PSEN1: variants seen among roughly 807,000 people sequenced by gnomAD.
The protein encoded by PSEN1 is presenilin-1.
Under a neutral mutation model 53.5 loss-of-function variants are expected in PSEN1, and 15 were observed. The ratio of observed to expected loss-of-function variants is 0.28; its 90% CI spans 0.19 to 0.43. The LOEUF is 0.43. Ranked by LOEUF, PSEN1 falls within the 20% of genes least tolerant of loss-of-function variation. The pLI is 1.00. For synonymous variants in PSEN1, 208 were observed against 209.8 expected, an observed-to-expected ratio of 0.99 and a Z score of 0.08; for missense variants, 387 against 571.2, an observed-to-expected ratio of 0.68 and a Z score of 3.29.
intron 5 of PSEN1, among the ~76,000 whole-genome samples, chr14:73,182,732 G>A (rs755381181): frequency 2.2e-4 from 34 of 151,930 alleles, no homozygotes; most frequent in Non-Finnish European, 4.6e-4. Context: ...CCAGCTACTC[G>A]GGAGGCTAAG....
At chr14:73,165,355 C>T (rs141730494) in intron 3 of PSEN1, among the ~76,000 whole-genome samples, 281 of 152,276 alleles carry the variant, frequency 1.8e-3, no homozygotes, top group Admixed American at 3.1e-3. Context: ...CTGGCTCAAA[C>T]GAATTCCTAG....
At chr14:73,162,649 T>G (rs1897588078) in intron 3 of PSEN1, among the ~76,000 whole-genome samples, 1 of 152,076 alleles carries the variant, frequency 6.6e-6, no homozygotes, top group Non-Finnish European at 1.5e-5. Context: ...ACAGAGAATC[T>G]GTCTCAAAGA....
chr14:73,154,780 A>G (rs778876451), intron 3 of PSEN1, among the ~76,000 whole-genome samples: 2 of 152,228 alleles, frequency 1.3e-5, no homozygotes, highest in Non-Finnish European at 2.9e-5. Flanking sequence ...ATGGAGTAAG[A>G]AATAGAAATG....
At chr14:73,138,822 C>T (rs1482105528) in intron 1 of PSEN1, among the ~76,000 whole-genome samples, 1 of 149,276 alleles carries the variant, frequency 6.7e-6, no homozygotes, top group Non-Finnish European at 1.5e-5. Flanking sequence ...AAAAAATTAG[C>T]CGGGCGTGAT....
At chr14:73,154,165 A>G (rs1017367051) in intron 3 of PSEN1, among the ~76,000 whole-genome samples, 1 of 152,232 alleles carries the variant, frequency 6.6e-6, no homozygotes, top group Non-Finnish European at 1.5e-5. Flanking sequence ...AAAAGGGCAG[A>G]ATATAATATT....
In PSEN1 at chr14:73,220,318, C is replaced by A. The variant is rs201521677; in HGVS notation, c.*1029C>A. 6.6e-6 allele frequency: 1 copy of A among 152,636 alleles called. No individual in the cohort carries two copies. Among genetic ancestry groups the A allele is most frequent in the Non-Finnish European group, 1.5e-5 (1 of 68,054 alleles). 9.5% of individuals were successfully genotyped at this position (152,636 alleles called of 1,614,324 possible). On this transcript the variant is annotated 3_prime_UTR_variant, in exon 12 of 12. Coordinates refer to ENST00000324501, the MANE Select transcript of PSEN1 (RefSeq NM_000021.4). Reference sequence around the variant, plus strand: ...GTGTTATGAATCGGTGCTGTCAGCCCTGCTGTCAGACCTTCTTCCACAGCA... The same window carrying A: ...GTGTTATGAATCGGTGCTGTCAGCCATGCTGTCAGACCTTCTTCCACAGCA...
intron 5 of PSEN1, among the ~76,000 whole-genome samples, chr14:73,180,520 T>C (rs1440102455): frequency 6.6e-6 from 1 of 152,194 alleles, no homozygotes; most frequent in African/African-American, 2.4e-5. Flanking sequence ...TTCATATCAG[T>C]GGTTGGTTAT....
In PSEN1 at chr14:73,220,708, C is replaced by A. The variant is rs1472473816; in HGVS notation, c.*1419C>A. The A allele has an allele frequency of 6.6e-6, 1 of 152,210 alleles. No individual in the cohort carries two copies. Among genetic ancestry groups the A allele is most frequent in the African/African-American group, 2.4e-5 (1 of 41,426 alleles). 9.4% of individuals were successfully genotyped at this position (152,210 alleles called of 1,614,324 possible). ...ATGGGTGCTTTGTGGTCTCTGCCCG[C>A]GTTACCTTTCCTCTCAATGTACCTT... On this transcript the variant is annotated 3_prime_UTR_variant, in exon 12 of 12. Coordinates refer to ENST00000324501, the MANE Select transcript of PSEN1 (RefSeq NM_000021.4).
intron 6 of PSEN1, among the ~76,000 whole-genome samples, chr14:73,187,576 C>T (rs984637531): frequency 6.6e-6 from 1 of 152,002 alleles, no homozygotes; most frequent in African/African-American, 2.4e-5. Flanking sequence ...GGATGATATT[C>T]TAGAAAAAAA....
intron 5 of PSEN1, among the ~76,000 whole-genome samples, chr14:73,184,053 G>A (rs1232951472): frequency 7.5e-6 from 1 of 134,168 alleles, no homozygotes; most frequent in Non-Finnish European, 1.6e-5. Flanking sequence ...CAGGCGGGGG[G>A]CTGATCCCCC....
Position 73,148,103 on chromosome 14 carries a change from C to G in PSEN1, c.84C>G (p.Ser28Arg). The G allele has an allele frequency of 3.7e-6, 6 of 1,611,278 alleles. No individual in the cohort carries two copies. Among genetic ancestry groups the G allele is most frequent in the Non-Finnish European group, 5.1e-6 (6 of 1,177,706 alleles). The change falls in exon 3 of 12, where the codon AGC becomes AGG. Residue 28 changes from serine to arginine, a missense_variant. This residue lies in a region of PSEN1 where 99 missense variants were observed against 101.5 expected (regional missense o/e 0.98). Coordinates refer to ENST00000324501, the MANE Select transcript of PSEN1 (RefSeq NM_000021.4). ...EDNHLSNTVR[S>R]QNDNRERQEH... ...ACCACCTGAGCAATACTGTACGTAG[C>G]CAGGTACAGTGTCAGTCTCTGAAAC...
chr14:73,217,292 T>C (rs749784719), intron 11 of PSEN1, 48 bp downstream of exon 11: 1 of 1,606,740 alleles, frequency 6.2e-7, no homozygotes, highest in South Asian at 1.1e-5. Flanking sequence ...ATGTCAAAAC[T>C]TTGATTACAC....
intron 1 of PSEN1, among the ~76,000 whole-genome samples, chr14:73,141,490 T>G (rs1566614048): frequency 6.6e-6 from 1 of 152,218 alleles, no homozygotes; most frequent in Non-Finnish European, 1.5e-5. Context: ...TTAAAAATTT[T>G]TTTTATTAAT....
In PSEN1 at chr14:73,141,658, G is replaced by A. The variant is rs74727279; in HGVS notation, c.-136+5075G>A. On this transcript the variant is annotated intron_variant, in intron 1 of 11. Transcript: ENST00000324501. ...AAATTAGCTGGGCATGGTGGTGGGC[G>A]TCTGTAATCCTAGCTACTCAGGAGG... is the stretch of plus-strand genomic sequence containing the variant. Among the ~76,000 whole-genome samples, 24 of 152,184 alleles carry A rather than the reference G, an allele frequency of 1.6e-4. No homozygotes were observed. In the East Asian group the frequency reaches 3.1e-3, roughly 20 times the overall value.
chr14:73,171,614 C>T (rs933795744), intron 4 of PSEN1, among the ~76,000 whole-genome samples: 5 of 152,140 alleles, frequency 3.3e-5, no homozygotes, highest in African/African-American at 9.7e-5. Context: ...GTGTTCTTCC[C>T]CTACTGACTA....
intron 8 of PSEN1, among the ~76,000 whole-genome samples, chr14:73,199,869 C>T (rs371377351): frequency 9.9e-5 from 15 of 152,154 alleles, no homozygotes; most frequent in Non-Finnish European, 1.9e-4. Context: ...CCTCAGCCTC[C>T]GGAGTGGCTG....
chr14:73,154,455 G>A (rs1897305520), intron 3 of PSEN1, among the ~76,000 whole-genome samples: 1 of 150,934 alleles, frequency 6.6e-6, no homozygotes, highest in Admixed American at 6.6e-5. Context: ...GTGAAAATTA[G>A]TGGGGTGTGG....
chr14:73,183,490 G>C (rs1489319757), intron 5 of PSEN1, among the ~76,000 whole-genome samples: 2 of 152,028 alleles, frequency 1.3e-5, no homozygotes, highest in Non-Finnish European at 2.9e-5. Flanking sequence ...TTAGGGAGTG[G>C]TGATGACTCT....
intron 6 of PSEN1, among the ~76,000 whole-genome samples, chr14:73,191,451 A>G (rs1898712220): frequency 6.6e-6 from 1 of 152,230 alleles, no homozygotes; most frequent in South Asian, 2.1e-4. Flanking sequence ...GAAAGAAAGC[A>G]CACCTTTATT....
Sources: gnomAD v4.1 joint callset for allele counts (sites outside exome capture counted in the v4.1 genomes callset) on GRCh38, gnomAD v4.1.1 for gene constraint, gnomAD v4.1.1 regional missense constraint, MANE v1.5 for transcripts, NCBI Gene and HGNC (gene_info 2026-07-23, HGNC 2026-07-21) for gene names.